DOCK4: variants seen among roughly 807,000 people sequenced by gnomAD.
The protein encoded by DOCK4 is dedicator of cytokinesis protein 4.
In DOCK4, 97 loss-of-function variants were observed where a neutral mutation model predicts 268.1. The observed-to-expected ratio is 0.36, with a 90% confidence interval of 0.31 to 0.43. The LOEUF (loss-of-function observed/expected upper bound fraction) is 0.43. DOCK4 is among the 20% of genes least tolerant of loss of function. DOCK4 has a pLI of 1.00. For missense variants in DOCK4, 2,145 were observed against 2,455.7 expected (o/e 0.87, Z 2.67); for synonymous variants, 954 against 887.2 (o/e 1.08, Z -1.34).
chr7:112,004,767 G>T (rs1289700680), intron 1 of DOCK4, among the ~76,000 whole-genome samples: 1 of 152,168 alleles, frequency 6.6e-6, no homozygotes, highest in Non-Finnish European at 1.5e-5. Flanking sequence ...TAAACACACA[G>T]CCACCACAAT....
chr7:112,174,008 C>G (rs1263081304), intron 1 of DOCK4, among the ~76,000 whole-genome samples: 2 of 149,790 alleles, frequency 1.3e-5, no homozygotes, highest in Admixed American at 6.6e-5. Context: ...TCCTCATTGC[C>G]TTTCCCCACC....
chr7:111,872,449 T>C lies in DOCK4; in HGVS notation c.1842+18A>G. 6.4e-7 allele frequency: 1 copy of C among 1,557,132 alleles called. No individual in the cohort carries two copies. The highest frequency in any genetic ancestry group is 8.7e-7 in the Non-Finnish European group (1 of 1,147,946). The stretch of plus-strand genomic sequence containing the variant: ...CTATGAATCTCTGCAAGGAAAATAG[T>C]AATGAAATACTATATACCTTTACTA... On this transcript the variant is annotated intron_variant, in intron 18 of 52. Transcript: ENST00000428084.
At chr7:111,903,399 C>G (rs1791306054) in intron 13 of DOCK4, among the ~76,000 whole-genome samples, 1 of 152,188 alleles carries the variant, frequency 6.6e-6, no homozygotes, top group Non-Finnish European at 1.5e-5. Context: ...TCTTATACAG[C>G]TCATACAAAC....
intron 1 of DOCK4, among the ~76,000 whole-genome samples, chr7:112,010,518 G>A (rs1372978154): frequency 2.6e-5 from 4 of 152,168 alleles, no homozygotes; most frequent in African/African-American, 9.7e-5. Flanking sequence ...GTATCTCCTG[G>A]ATACTGCTCT....
chr7:112,181,084 C>T (rs185067769), intron 1 of DOCK4, among the ~76,000 whole-genome samples: 3 of 152,298 alleles, frequency 2.0e-5, no homozygotes, highest in Non-Finnish European at 4.4e-5. Context: ...ATTTGGTATA[C>T]TAACATCACT....
At chr7:112,184,373 T>G (rs76704059) in intron 1 of DOCK4, among the ~76,000 whole-genome samples, 1,850 of 152,284 alleles carry the variant, frequency 0.012, 35 homozygotes, top group African/African-American at 0.04. Context: ...AGGCACCTCT[T>G]GCAGATGCTG....
chr7:112,080,317 A>T (rs1808464683), intron 1 of DOCK4, among the ~76,000 whole-genome samples: 1 of 152,150 alleles, frequency 6.6e-6, no homozygotes, highest in South Asian at 2.1e-4. Context: ...CTGAAATTAA[A>T]TTTTAACTGG....
intron 1 of DOCK4, among the ~76,000 whole-genome samples, chr7:112,103,379 C>G (rs1810858208): frequency 2.0e-5 from 3 of 152,178 alleles, no homozygotes; most frequent in Admixed American, 6.5e-5. Context: ...CACAAATCCA[C>G]AGCACCTCCT....
At chr7:111,789,408 T>C (rs1799385494) in intron 31 of DOCK4, 1 of 152,458 alleles carries the variant, frequency 6.6e-6, no homozygotes, top group Non-Finnish European at 1.5e-5. Context: ...TATGTCTATC[T>C]GAGGCAGAAG....
chr7:112,003,953 C>T (rs1250675704), intron 2 of DOCK4, 95 bp downstream of exon 2: 2 of 908,332 alleles, frequency 2.2e-6, no homozygotes, highest in African/African-American at 1.7e-5. Flanking sequence ...GTGGTGACTA[C>T]TGGAAAAGTT....
At chr7:111,788,195 G>A (rs575448746) in intron 32 of DOCK4, among the ~76,000 whole-genome samples, 70 of 152,280 alleles carry the variant, frequency 4.6e-4, no homozygotes, top group African/African-American at 1.5e-3. Flanking sequence ...AATGCTGAGC[G>A]AACAATCAGT....
chr7:112,178,816 A>G (rs1038021927), intron 1 of DOCK4, among the ~76,000 whole-genome samples: 1 of 152,198 alleles, frequency 6.6e-6, no homozygotes, highest in African/African-American at 2.4e-5. Context: ...TCTATTCGGA[A>G]CTACCGATGA....
At chr7:111,932,033 C>T (rs1250412971) in intron 12 of DOCK4, among the ~76,000 whole-genome samples, 2 of 152,184 alleles carry the variant, frequency 1.3e-5, no homozygotes, top group East Asian at 3.9e-4. Flanking sequence ...CTTAAGGATA[C>T]AGGATCACTT....
chr7:111,728,411 TGGAGAGGCTGTGAGGTAGCGGGAC>T lies in DOCK4; in HGVS notation c.5767_5790del (p.Val1923_Ser1930del). The stretch of plus-strand genomic sequence containing the variant: ...GCGGGCGGCTCCGACGTGACGGGGA[TGGAGAGGCTGTGAGGTAGCGGGAC>T]GGGGCGCCGCAGAGTCCGCTCGTAG... On this transcript the variant is annotated inframe_deletion, in exon 53 of 53. Transcript: ENST00000428084. The T allele has an allele frequency of 6.4e-7, 1 of 1,573,648 alleles. No individual in the cohort carries two copies. Among genetic ancestry groups the T allele is most frequent in the Non-Finnish European group, 8.6e-7 (1 of 1,158,126 alleles).
At position 112,099,445 on chromosome 7, in the gene DOCK4, G is replaced by T. The variant is rs182863643; in HGVS notation, c.38-95314C>A. ...TCTCTTTAACAGAAAAAAGTTTACC[G>T]CATTCCCTAACACAGCTGATAATTA... On this transcript the variant is annotated intron_variant, in intron 1 of 52. Coordinates refer to ENST00000428084, the MANE Select transcript of DOCK4 (RefSeq NM_001363540.2). Among the ~76,000 whole-genome samples, 329 of 152,094 alleles carry T rather than the reference G, an allele frequency of 2.2e-3. 2 individuals are homozygous for T. The highest frequency in any genetic ancestry group is 7.5e-3 in the African/African-American group (312 of 41,508).
At chr7:112,129,830 C>T (rs1813631769) in intron 1 of DOCK4, among the ~76,000 whole-genome samples, 1 of 152,170 alleles carries the variant, frequency 6.6e-6, no homozygotes, top group Non-Finnish European at 1.5e-5. Flanking sequence ...CCCCAAGTTA[C>T]TCACCCTAGC....
At chr7:111,817,757 G>A (rs1277634428) in intron 27 of DOCK4, among the ~76,000 whole-genome samples, 1 of 152,090 alleles carries the variant, frequency 6.6e-6, no homozygotes, top group Non-Finnish European at 1.5e-5. Context: ...TCAACATGCT[G>A]TAATATCCCA....
intron 13 of DOCK4, among the ~76,000 whole-genome samples, chr7:111,902,767 T>C (rs1276491992): frequency 6.6e-6 from 1 of 152,038 alleles, no homozygotes; most frequent in African/African-American, 2.4e-5. Flanking sequence ...CTTTTTTCTT[T>C]TCTTTTTTTT....
intron 16 of DOCK4, among the ~76,000 whole-genome samples, chr7:111,890,381 G>A (rs540734999): frequency 9.9e-5 from 15 of 152,184 alleles, no homozygotes; most frequent in East Asian, 3.9e-4. Flanking sequence ...GGTTATTAGC[G>A]AACTAGCAAT....
Sources: gnomAD v4.1 joint callset for allele counts (sites outside exome capture counted in the v4.1 genomes callset) on GRCh38, gnomAD v4.1.1 for gene constraint, MANE v1.5 for transcripts, NCBI Gene and HGNC (gene_info 2026-07-23, HGNC 2026-07-21) for gene names.